The following PHLDB2 variants were observed in gnomAD, a reference collection of about 807,000 sequenced individuals.
PHLDB2 encodes the protein pleckstrin homology-like domain family B member 2.
PHLDB2 carries 71 observed loss-of-function variants against 123.6 expected under a neutral mutation model. That is an observed-to-expected ratio of 0.57 (90% confidence interval 0.47 to 0.70). The LOEUF is 0.70. Ranked by LOEUF, PHLDB2 falls within the 30% of genes least tolerant of loss-of-function variation. The pLI is 0.00. For synonymous variants in PHLDB2, 547 were observed against 541.6 expected (o/e 1.01, Z -0.14); for missense variants, 1,446 against 1,519.5 (o/e 0.95, Z 0.80).
intron 11 of PHLDB2, among the ~76,000 whole-genome samples, chr3:111,953,274 C>G (rs942914373): frequency 6.6e-6 from 1 of 152,158 alleles, no homozygotes; most frequent in East Asian, 1.9e-4. Context: ...CGCCCAAGCT[C>G]TCCCTCAGGT....
rs112466763 is a variant in PHLDB2 at position 111,851,649 on chromosome 3, T to C, written c.67+5714T>C. Among the ~76,000 whole-genome samples, 537 of 152,334 alleles carry C rather than the reference T, an allele frequency of 3.5e-3. 3 individuals carry two copies. Among genetic ancestry groups the C allele is most frequent in the Non-Finnish European group, 5.6e-3 (378 of 68,026 alleles). ...TCATATTTCTTTTTCACCCTATGCC[T>C]ATATAATCATGTTGTTCCACTTCCT... On this transcript the variant is annotated intron_variant, in intron 2 of 17. Transcript: ENST00000393923.
intron 1 of PHLDB2, among the ~76,000 whole-genome samples, chr3:111,869,401 G>GAAGAA (rs1406781155): frequency 6.6e-6 from 1 of 151,542 alleles, no homozygotes; most frequent in Admixed American, 6.6e-5. Flanking sequence ...TTTCCCTAAT[G>GAAGAA]GTCTTCCTTA....
chr3:111,864,600 C>G (rs1033833356), intron 1 of PHLDB2, among the ~76,000 whole-genome samples: 3 of 152,122 alleles, frequency 2.0e-5, no homozygotes, highest in African/African-American at 7.2e-5. Context: ...AAGAGAAACC[C>G]AAGTGTAAAA....
intron 1 of PHLDB2, among the ~76,000 whole-genome samples, chr3:111,769,190 G>A (rs1054178736): frequency 4.6e-5 from 7 of 152,144 alleles, no homozygotes; most frequent in African/African-American, 1.7e-4. Flanking sequence ...AATATTGTAT[G>A]GGCAACACTA....
At chr3:111,821,769 C>T (rs2062395612) in intron 1 of PHLDB2, among the ~76,000 whole-genome samples, 1 of 152,186 alleles carries the variant, frequency 6.6e-6, no homozygotes, top group Admixed American at 6.5e-5. Context: ...TGTTCTTGAA[C>T]ACAACAGCAG....
At chr3:111,778,012 G>A (rs897775115) in intron 1 of PHLDB2, among the ~76,000 whole-genome samples, 10 of 151,824 alleles carry the variant, frequency 6.6e-5, no homozygotes, top group Non-Finnish European at 1.3e-4. Context: ...CTATATTGTG[G>A]AGAGCTCCGG....
At chr3:111,947,473 C>CT (rs1326837595) in intron 9 of PHLDB2, among the ~76,000 whole-genome samples, 1 of 152,086 alleles carries the variant, frequency 6.6e-6, no homozygotes, top group Non-Finnish European at 1.5e-5. Flanking sequence ...ATTCTCTCTC[C>CT]TTTTTCTTTT....
At chr3:111,789,457 A>C (rs2060822419) in intron 1 of PHLDB2, among the ~76,000 whole-genome samples, 1 of 152,210 alleles carries the variant, frequency 6.6e-6, no homozygotes, top group African/African-American at 2.4e-5. Flanking sequence ...CTATAAGTAC[A>C]TTCTCCGTTT....
intron 5 of PHLDB2, among the ~76,000 whole-genome samples, chr3:111,929,155 A>G (rs148392890): frequency 6.6e-6 from 1 of 152,296 alleles, no homozygotes; most frequent in Non-Finnish European, 1.5e-5. Context: ...AGTCCCAGCT[A>G]CTTGGGAGGC....
At chr3:111,863,126 C>A (rs990103839) in intron 1 of PHLDB2, among the ~76,000 whole-genome samples, 1 of 152,116 alleles carries the variant, frequency 6.6e-6, no homozygotes, top group Non-Finnish European at 1.5e-5. Flanking sequence ...CTGTGGGGCA[C>A]GTGCCTGGGT....
chr3:111,774,628 A>G (rs1034562084), intron 1 of PHLDB2, among the ~76,000 whole-genome samples: 1 of 152,206 alleles, frequency 6.6e-6, no homozygotes, highest in Non-Finnish European at 1.5e-5. Context: ...GCTGAAATAA[A>G]GCTGACTTGA....
intron 1 of PHLDB2, among the ~76,000 whole-genome samples, chr3:111,745,229 A>T (rs2059662881): frequency 6.6e-6 from 1 of 152,208 alleles, no homozygotes; most frequent in Non-Finnish European, 1.5e-5. Flanking sequence ...TAGACTGGAA[A>T]ATTATGTTGA....
At chr3:111,885,672 T>A in intron 2 of PHLDB2, 1 of 650,190 alleles carries the variant, frequency 1.5e-6, no homozygotes, top group Non-Finnish European at 2.7e-6. Context: ...ATAAATTCTT[T>A]AAAAACATAA....
intron 1 of PHLDB2, among the ~76,000 whole-genome samples, chr3:111,767,272 T>C (rs2060099543): frequency 6.6e-6 from 1 of 152,068 alleles, no homozygotes; most frequent in South Asian, 2.1e-4. Flanking sequence ...AGGATTTGGG[T>C]ACAGATGAGC....
At chr3:111,860,355 A>AG (rs1553741818) in intron 1 of PHLDB2, among the ~76,000 whole-genome samples, 1 of 151,832 alleles carries the variant, frequency 6.6e-6, no homozygotes, top group African/African-American at 2.4e-5. Flanking sequence ...TTGGCCTTTG[A>AG]CCCCCCACTG....
At chr3:111,742,580 G>A (rs1016267209) in intron 1 of PHLDB2, among the ~76,000 whole-genome samples, 2 of 151,968 alleles carry the variant, frequency 1.3e-5, no homozygotes, top group East Asian at 3.9e-4. Flanking sequence ...TTGTCCTTGC[G>A]ATAGTTTGCT....
Position 111,884,295 on chromosome 3 carries a change from C to T in PHLDB2, c.218C>T (p.Ser73Phe), listed in dbSNP as rs1023762535. Residue 73 changes from serine (S) to phenylalanine (F), a missense_variant, in exon 2 of 18, where the codon TCT (serine) becomes TTT (phenylalanine). Ser to Phe is a radical substitution (Grantham distance 155). Coordinates refer to ENST00000431670, the MANE Select transcript of PHLDB2 (RefSeq NM_001134438.2). ...SQPVPAKRSP[S>F]PLGTSVRSSP... ...CCTGTGCCTGCAAAGAGAAGCCCTT[C>T]TCCTTTGGGAACCAGTGTCAGAAGC... is the stretch of plus-strand genomic sequence containing the variant. 2 of 1,614,192 alleles carry T rather than the reference C, an allele frequency of 1.2e-6. No individual in the cohort carries two copies. Among genetic ancestry groups the T allele is most frequent in the Non-Finnish European group, 8.5e-7 (1 of 1,180,022 alleles).
intron 1 of PHLDB2, among the ~76,000 whole-genome samples, chr3:111,823,108 C>T (rs889591154): frequency 2.0e-5 from 3 of 152,196 alleles, no homozygotes; most frequent in Non-Finnish European, 4.4e-5. Context: ...TCAACCAGGA[C>T]AGCTTCCAAG....
At chr3:111,830,234 T>C (rs980229140) in intron 1 of PHLDB2, among the ~76,000 whole-genome samples, 15 of 152,144 alleles carry the variant, frequency 9.9e-5, no homozygotes, top group African/African-American at 3.4e-4. Flanking sequence ...CATAAAGTAA[T>C]TTCTAAAGGT....
Sources: allele counts gnomAD v4.1 joint callset (sites outside exome capture counted in the v4.1 genomes callset), GRCh38; gene constraint gnomAD v4.1.1; transcripts MANE v1.5; gene names NCBI Gene and HGNC (gene_info 2026-07-23, HGNC 2026-07-21).